The following OR51B5 variants were observed in gnomAD, a reference collection of about 807,000 sequenced individuals.
The protein encoded by OR51B5 is olfactory receptor 51B5.
For synonymous variants in OR51B5, 186 were observed against 144.8 expected (o/e 1.28, Z -2.04); for missense variants, 456 against 374.6 (o/e 1.22, Z -1.79).
chr11:5,372,095 A>T lies in OR51B5; in HGVS notation n.85-25185T>A, dbSNP rs575376910. Among the ~76,000 whole-genome samples the T allele has an allele frequency of 4.5e-4, 69 of 152,118 alleles. 1 individual carries two copies. Among genetic ancestry groups the T allele is most frequent in the Non-Finnish European group, 1.0e-4 (7 of 68,006 alleles). On this transcript the variant is annotated intron_variant and non_coding_transcript_variant, in intron 1 of 4. Coordinates refer to the OR51B5 transcript ENST00000415970. ...TTTTAAGGCTGAATAATATTGTGAT[A>T]TCATACATACATATGACATATATCA... is the stretch of plus-strand genomic sequence containing the variant.
rs538787695 is a variant in OR51B5 at position 5,359,997 on chromosome 11, G to A, written n.85-13087C>T. Among the ~76,000 whole-genome samples, 18 of 152,316 alleles carry A rather than the reference G, an allele frequency of 1.2e-4. No homozygotes were observed. In the East Asian group the frequency reaches 2.1e-3, roughly 18 times the overall value. ...ACACCTTATACAAAAATTAATTCAA[G>A]ATGGATTACAGACTTAAATGTTAGA... On this transcript the variant is annotated intron_variant and non_coding_transcript_variant, in intron 1 of 4. Coordinates refer to the OR51B5 transcript ENST00000415970.
rs577946822 is a variant in OR51B5, at chr11:5,348,988, A to G, written n.85-2078T>C. Among the ~76,000 whole-genome samples the G allele has an allele frequency of 3.9e-5, 6 of 152,248 alleles. No individual in the cohort carries two copies. The South Asian group carries it at 1.2e-3, about 32-fold the overall frequency. On this transcript the variant is annotated intron_variant and non_coding_transcript_variant, in intron 1 of 4. Transcript: ENST00000415970. ...AAGGTGAGAGAATATATGAAAGTTA[A>G]CATCTGAATGGGCTCCTGCTGAGGT...
upstream of OR51B5, among the ~76,000 whole-genome samples, chr11:5,344,280 T>A (rs373508965): frequency 1.6e-4 from 24 of 152,378 alleles, no homozygotes; most frequent in East Asian, 4.2e-3. Flanking sequence ...TCACTTATAA[T>A]AGTGTATCTC....
At chr11:5,355,824 A>G (rs558805470) in intron 1 of OR51B5, among the ~76,000 whole-genome samples, 1 of 152,198 alleles carries the variant, frequency 6.6e-6, no homozygotes, top group South Asian at 2.1e-4. Flanking sequence ...TAAAGGATCA[A>G]TGTAATGCCC....
At chr11:5,471,600 C>A (rs1456639970) in intron 1 of OR51B5, among the ~76,000 whole-genome samples, 2 of 148,408 alleles carry the variant, frequency 1.3e-5, no homozygotes, top group Non-Finnish European at 3.0e-5. Flanking sequence ...CGCACCATTG[C>A]ACTCCAGCCT....
rs1490374594 is a variant in OR51B5 at position 5,454,106 on chromosome 11, C to A, written n.84+51463G>T. On this transcript the variant is annotated intron_variant and non_coding_transcript_variant, in intron 1 of 4. Coordinates refer to the OR51B5 transcript ENST00000415970. ...ATGGACTCTTTGTTCTTGTATCCAC[C>A]TTTGGCATGGACCTGTTTTTTATCT... The A allele has an allele frequency of 3.7e-6, 6 of 1,614,220 alleles. No homozygotes were observed. The Admixed American group carries it at 5.0e-5, about 13-fold the overall frequency.
chr11:5,476,015 T>C (rs536104934), intron 1 of OR51B5, among the ~76,000 whole-genome samples: 1 of 152,332 alleles, frequency 6.6e-6, no homozygotes, highest in East Asian at 1.9e-4. Flanking sequence ...CCAAACCCTC[T>C]CTTCATGCCT....
chr11:5,381,056 T>G (rs1849601258), intron 1 of OR51B5, among the ~76,000 whole-genome samples: 1 of 152,046 alleles, frequency 6.6e-6, no homozygotes, highest in African/African-American at 2.4e-5. Flanking sequence ...CAATTCTGGA[T>G]AGAGGTTCCT....
chr11:5,371,789 A>G (rs1235435585), intron 1 of OR51B5, among the ~76,000 whole-genome samples: 3 of 152,142 alleles, frequency 2.0e-5, no homozygotes, highest in Non-Finnish European at 1.5e-5. Context: ...ATCTACTGTC[A>G]TAACAAATGT....
chr11:5,505,552 A>C (rs969042683), intron 1 of OR51B5: 2 of 1,111,134 alleles, frequency 1.8e-6, no homozygotes, highest in African/African-American at 3.3e-5. Flanking sequence ...TAAAAGAAAG[A>C]GGTTTACCGG....
chr11:5,366,150 C>T (rs1849363163), intron 1 of OR51B5, among the ~76,000 whole-genome samples: 1 of 151,932 alleles, frequency 6.6e-6, no homozygotes, highest in African/African-American at 2.4e-5. Flanking sequence ...AAATAAGAAA[C>T]AGTATGTGAA....
chr11:5,362,074 T>C (rs1849293217), intron 1 of OR51B5, among the ~76,000 whole-genome samples: 2 of 152,184 alleles, frequency 1.3e-5, no homozygotes. Context: ...TTCCCAGAAA[T>C]GAGCCTAGTA....
intron 1 of OR51B5, among the ~76,000 whole-genome samples, chr11:5,425,949 T>C (rs7111420): frequency 0.019 from 2,937 of 152,280 alleles, 101 homozygotes; most frequent in African/African-American, 0.066. Flanking sequence ...GACAGAAAAT[T>C]TGAAGTTGCC....
intron 1 of OR51B5, among the ~76,000 whole-genome samples, chr11:5,408,650 C>A (rs1426962075): frequency 6.6e-6 from 1 of 152,030 alleles, no homozygotes; most frequent in Non-Finnish European, 1.5e-5. Context: ...ACAAGACCAG[C>A]CTGTGATCAC....
exon 1 of OR51B5, chr11:5,342,843 A>G (rs769072418): frequency 2.5e-6 from 4 of 1,613,276 alleles, no homozygotes; most frequent in Admixed American, 1.7e-5. Context: ...TCCTCTCTGG[A>G]GGCAATGCTC....
intron 1 of OR51B5, among the ~76,000 whole-genome samples, chr11:5,360,885 G>A (rs12273734): frequency 0.38 from 56,819 of 150,330 alleles, 10,969 homozygotes; most frequent in Non-Finnish European, 0.41. Context: ...GCAAACTATC[G>A]CAAGGACAAA....
chr11:5,422,424 TCACCCTCACCACCCTACCCACAGTCA>T (rs1182533027), intron 1 of OR51B5: 1 of 1,614,054 alleles, frequency 6.2e-7, no homozygotes, highest in Admixed American at 1.7e-5. Flanking sequence ...GACCTGGGTC[TCACCCTCACCACCCTACCCACAGTCA>T]TGCAGCTTCT....
intron 1 of OR51B5, chr11:5,489,573 T>G: frequency 6.2e-7 from 1 of 1,614,062 alleles, no homozygotes; most frequent in South Asian, 1.1e-5. Flanking sequence ...TGGTGCCTCC[T>G]GTACTCAATC....
intron 1 of OR51B5, among the ~76,000 whole-genome samples, chr11:5,477,077 T>C (rs1207073802): frequency 6.6e-6 from 1 of 151,922 alleles, no homozygotes; most frequent in Non-Finnish European, 1.5e-5. Context: ...TCATCATAAA[T>C]AAATAGAGTG....
Sources: gnomAD v4.1 joint callset for allele counts (sites outside exome capture counted in the v4.1 genomes callset) on GRCh38, gnomAD v4.1.1 for gene constraint, MANE v1.5 for transcripts, NCBI Gene and HGNC (gene_info 2026-07-23, HGNC 2026-07-21) for gene names.